Variants in KLF12 observed in about 807,000 individuals in gnomAD.
KLF12 encodes KLF transcription factor 12.
A neutral mutation model predicts 37.8 loss-of-function variants in KLF12; 9 were observed. That is an observed-to-expected ratio of 0.24 (90% CI 0.14 to 0.42). The LOEUF is 0.42. Ranked by LOEUF, KLF12 falls within the 10% of genes least tolerant of loss-of-function variation. The probability of loss-of-function intolerance (pLI) is 1.00; values close to 1 mark genes in which losing one functional copy is unlikely to be tolerated. For synonymous variants in KLF12, 208 were observed against 202.1 expected (o/e 1.03, Z -0.25); for missense variants, 411 against 516.0 (o/e 0.80, Z 1.97).
At chr13:74,298,227 A>T in the KLF12 span, among the ~76,000 whole-genome samples, 1 of 152,190 alleles carries the variant, frequency 6.6e-6, no homozygotes, top group Non-Finnish European at 1.5e-5. Context: ...GTTTTATGGC[A>T]TTTAAATACT....
the KLF12 span, among the ~76,000 whole-genome samples, chr13:74,229,792 C>G: frequency 2.0e-5 from 3 of 152,172 alleles, no homozygotes; most frequent in Non-Finnish European, 2.9e-5. Context: ...TCAGCTGACC[C>G]TAAGTCAGTT....
chr13:73,941,023 T>C (rs1433110953), intron 3 of KLF12, among the ~76,000 whole-genome samples: 1 of 152,256 alleles, frequency 6.6e-6, no homozygotes, highest in Non-Finnish European at 1.5e-5. Context: ...TAGAGTAGCA[T>C]ATCTTTAAAA....
At chr13:73,712,338 C>CAAAAAAAAAAA (rs752694466) in intron 7 of KLF12, among the ~76,000 whole-genome samples, 7 of 42,054 alleles carry the variant, frequency 1.7e-4, no homozygotes, top group Middle Eastern at 0.019. Flanking sequence ...AACTCCATGT[C>CAAAAAAAAAAA]AAAAAAAAAA....
At chr13:73,880,904 G>T (rs1328301398) in intron 3 of KLF12, among the ~76,000 whole-genome samples, 3 of 152,156 alleles carry the variant, frequency 2.0e-5, no homozygotes, top group African/African-American at 7.2e-5. Context: ...ACTAGACAAT[G>T]TTATTAGCAA....
At chr13:74,128,541 G>T (rs1013911823) in intron 1 of KLF12, among the ~76,000 whole-genome samples, 8 of 152,168 alleles carry the variant, frequency 5.3e-5, no homozygotes, top group Admixed American at 5.2e-4. Flanking sequence ...TAAGAAATTT[G>T]ACCAAGGTCA....
chr13:73,958,247 T>C (rs1890907167), intron 2 of KLF12, among the ~76,000 whole-genome samples: 1 of 150,860 alleles, frequency 6.6e-6, no homozygotes, highest in Middle Eastern at 3.2e-3. Context: ...TTTTTTAACT[T>C]TTTTTTTTTC....
intron 7 of KLF12, among the ~76,000 whole-genome samples, chr13:73,708,903 C>T (rs1005420305): frequency 6.6e-5 from 10 of 152,148 alleles, no homozygotes; most frequent in Admixed American, 3.3e-4. Context: ...CTGTAAACTG[C>T]TTCATGTACA....
Position 73,942,852 on chromosome 13 carries a change from A to G in KLF12, c.123+1129T>C, listed in dbSNP as rs113790657. Among the ~76,000 whole-genome samples, 162 of 152,342 alleles carry G rather than the reference A, an allele frequency of 1.1e-3. 1 individual carries two copies. The highest frequency in any genetic ancestry group is 3.7e-3 in the African/African-American group (152 of 41,580). On this transcript the variant is annotated intron_variant, in intron 3 of 7. Transcript: ENST00000377669. ...CCACGATGAGGCTCTGTTCAAACACAGGCTTACACTGAAAAACAGAAATTA... is the reference window on the plus strand; with the variant it reads ...CCACGATGAGGCTCTGTTCAAACACGGGCTTACACTGAAAAACAGAAATTA...
intron 1 of KLF12, among the ~76,000 whole-genome samples, chr13:74,024,792 T>G (rs1411823044): frequency 6.6e-6 from 1 of 152,212 alleles, no homozygotes; most frequent in Non-Finnish European, 1.5e-5. Context: ...CTCTAAAACA[T>G]AGGAAATTAG....
chr13:74,260,628 T>TAAAATAAAATAAAATAAAAG, the KLF12 span, among the ~76,000 whole-genome samples: 2 of 140,070 alleles, frequency 1.4e-5, no homozygotes, highest in South Asian at 4.6e-4. Context: ...TAAAATAAAA[T>TAAAATAAAATAAAATAAAAG]AGTGAATTAA....
chr13:73,768,850 C>T (rs1210348638), intron 5 of KLF12, among the ~76,000 whole-genome samples: 2 of 152,126 alleles, frequency 1.3e-5, no homozygotes, highest in African/African-American at 4.8e-5. Flanking sequence ...AACACAGGTA[C>T]GTCTGACCTG....
intron 5 of KLF12, among the ~76,000 whole-genome samples, chr13:73,767,844 T>C (rs1309753499): frequency 1.3e-5 from 2 of 152,340 alleles, no homozygotes; most frequent in East Asian, 3.9e-4. Flanking sequence ...CTGCCATTTA[T>C]AGTTAATCAA....
At chr13:74,238,881 CA>C in the KLF12 span, among the ~76,000 whole-genome samples, 4 of 151,690 alleles carry the variant, frequency 2.6e-5, no homozygotes, top group Admixed American at 2.6e-4. Flanking sequence ...TTGATCCTTT[CA>C]AAAAACCAGC....
chr13:74,100,124 GA>G (rs1334749157), intron 1 of KLF12, among the ~76,000 whole-genome samples: 4 of 152,100 alleles, frequency 2.6e-5, no homozygotes, highest in Admixed American at 6.6e-5. Context: ...GGGGGTGAAG[GA>G]AGAGGAGATG....
intron 6 of KLF12, among the ~76,000 whole-genome samples, chr13:73,732,179 G>A (rs1877113684): frequency 6.6e-6 from 1 of 151,208 alleles, no homozygotes; most frequent in African/African-American, 2.4e-5. Flanking sequence ...CACCTCCCGG[G>A]TTCAAGTGAT....
At chr13:74,202,778 G>A in the KLF12 span, among the ~76,000 whole-genome samples, 1 of 152,110 alleles carries the variant, frequency 6.6e-6, no homozygotes, top group African/African-American at 2.4e-5. Context: ...TTATGAGTTA[G>A]GCAACCTCAG....
chr13:74,205,804 T>G, the KLF12 span, among the ~76,000 whole-genome samples: 2 of 152,084 alleles, frequency 1.3e-5, no homozygotes, highest in Non-Finnish European at 2.9e-5. Context: ...ACAACAAAGT[T>G]GAAGGCTCAG....
At chr13:74,051,599 A>G (rs1872929903) in intron 1 of KLF12, among the ~76,000 whole-genome samples, 1 of 152,090 alleles carries the variant, frequency 6.6e-6, no homozygotes, top group South Asian at 2.1e-4. Context: ...TGAGGAATAG[A>G]ACAGACTCAA....
chr13:73,830,595 T>C (rs1884098572), intron 4 of KLF12, among the ~76,000 whole-genome samples: 2 of 152,222 alleles, frequency 1.3e-5, no homozygotes, highest in Non-Finnish European at 1.5e-5. Context: ...TTTATTGAAC[T>C]CATTAATCTA....
Sources: allele counts gnomAD v4.1 joint callset (sites outside exome capture counted in the v4.1 genomes callset), GRCh38; gene constraint gnomAD v4.1.1; transcripts MANE v1.5; gene names NCBI Gene and HGNC (gene_info 2026-07-23, HGNC 2026-07-21).